Variants in SFRP1 observed in about 807,000 individuals in gnomAD.
SFRP1 encodes the protein secreted frizzled-related protein 1.
A neutral mutation model predicts 25.9 loss-of-function variants in SFRP1; 9 were observed. That is an observed-to-expected ratio of 0.35 (90% CI 0.21 to 0.61). SFRP1 has a LOEUF of 0.61. SFRP1 is among the 20% of genes least tolerant of loss of function. The pLI, the probability that SFRP1 is intolerant of heterozygous loss-of-function variation, is 0.78. For synonymous variants in SFRP1, 178 were observed against 174.0 expected, an observed-to-expected ratio of 1.02 and a Z score of -0.18; for missense variants, 346 against 418.2, an observed-to-expected ratio of 0.83 and a Z score of 1.51.
At chr8:41,287,448 C>G (rs1041591401) in intron 2 of SFRP1, among the ~76,000 whole-genome samples, 11 of 152,214 alleles carry the variant, frequency 7.2e-5, no homozygotes, top group Non-Finnish European at 1.3e-4. Flanking sequence ...GGTAAGAGCA[C>G]CAGGTCATGT....
rs185339292 is a variant in SFRP1, at chr8:41,283,505, G to A, written c.623-18016C>T. Among the ~76,000 whole-genome samples, 995 of 151,900 alleles carry A rather than the reference G, an allele frequency of 6.6e-3. 10 individuals are homozygous for A. The highest frequency in any genetic ancestry group is 0.022 in the African/African-American group (913 of 41,418). The stretch of plus-strand genomic sequence containing the variant: ...ATCAGAAGATCAGGCCAAAGTCAGC[G>A]GCTGAACTTGTAAAAATCATTCAGA... On this transcript the variant is annotated intron_variant, in intron 2 of 2. Coordinates refer to ENST00000220772, the MANE Select transcript of SFRP1 (RefSeq NM_003012.5).
intron 2 of SFRP1, among the ~76,000 whole-genome samples, chr8:41,289,805 T>C (rs1176450115): frequency 6.6e-6 from 1 of 152,164 alleles, no homozygotes; most frequent in African/African-American, 2.4e-5. Flanking sequence ...TGGCACTCAG[T>C]TTGTATAATG....
rs941672160 is a variant in SFRP1, at chr8:41,262,060, C to T, written c.*3107G>A. The T allele has an allele frequency of 5.3e-5, 8 of 152,206 alleles. No homozygotes were observed. The highest frequency in any genetic ancestry group is 3.2e-3 in the Middle Eastern group (1 of 316). 9.4% of individuals were successfully genotyped at this position (152,206 alleles called of 1,614,324 possible). ...GTACGGGAATTACTATTAACATAAGCGATAACATCAAAACATCTGGTAAAA... is the reference window on the plus strand; with the variant it reads ...GTACGGGAATTACTATTAACATAAGTGATAACATCAAAACATCTGGTAAAA... On this transcript the variant is annotated 3_prime_UTR_variant, in exon 3 of 3. Transcript: ENST00000220772.
intron 2 of SFRP1, among the ~76,000 whole-genome samples, chr8:41,290,884 G>GACTT: frequency 3.6e-5 from 1 of 27,500 alleles, no homozygotes; most frequent in South Asian, 2.0e-3. Context: ...CCTCTTCCTC[G>GACTT]TCTTTTTTTT....
At chr8:41,269,165 A>G (rs1428630298) in intron 2 of SFRP1, among the ~76,000 whole-genome samples, 1 of 152,210 alleles carries the variant, frequency 6.6e-6, no homozygotes, top group Non-Finnish European at 1.5e-5. Flanking sequence ...CTGTGCCTGG[A>G]GCATAGGGCT....
At chr8:41,308,589 C>T in intron 1 of SFRP1, 27 bp downstream of exon 1, 1 of 1,530,454 alleles carries the variant, frequency 6.5e-7, no homozygotes, top group Non-Finnish European at 8.9e-7. Context: ...GGGGGCGGCT[C>T]GCGCACGTGG....
In SFRP1 at chr8:41,265,113, C is replaced by CCCCCCCCCCCCCCCCCCCCCCCCCCA; in HGVS notation, c.*53_*54insTGGGGGGGGGGGGGGGGGGGGGGGGG. ...ACCCACCGGGTTCCCGGGGCACTGT[C>CCCCCCCCCCCCCCCCCCCCCCCCCCA]CCCCCCGCTCCCACCCCACCCGAGG... is the stretch of plus-strand genomic sequence containing the variant. On this transcript the variant is annotated 3_prime_UTR_variant, in exon 3 of 3. Transcript: ENST00000220772. 2.3e-6 allele frequency: 1 copy of CCCCCCCCCCCCCCCCCCCCCCCCCCA among 432,452 alleles called. No homozygotes were observed. Among genetic ancestry groups the CCCCCCCCCCCCCCCCCCCCCCCCCCA allele is most frequent in the Non-Finnish European group, 4.4e-6 (1 of 226,452 alleles). The allele number at this position is 432,452 out of a possible 1,614,324, so 26.8% of individuals were successfully genotyped here. A position where few individuals can be genotyped will look rare whatever the true frequency, so the allele number is the denominator to read the frequency against.
chr8:41,265,576 A>T, intron 2 of SFRP1, 87 bp from the exon 3 acceptor site: 1 of 854,330 alleles, frequency 1.2e-6, no homozygotes. Context: ...CCTCAAAGTG[A>T]TTGCATTTTA....
At chr8:41,303,264 T>C (rs1212025672) in intron 2 of SFRP1, among the ~76,000 whole-genome samples, 197 bp downstream of exon 2, 3 of 151,752 alleles carry the variant, frequency 2.0e-5, no homozygotes, top group East Asian at 1.9e-4. Flanking sequence ...GAGGGCAAAG[T>C]ATGGCCTTCA....
At chr8:41,290,321 C>T (rs1403232403) in intron 2 of SFRP1, among the ~76,000 whole-genome samples, 1 of 152,266 alleles carries the variant, frequency 6.6e-6, no homozygotes, top group Non-Finnish European at 1.5e-5. Flanking sequence ...CTGCCTCCCT[C>T]TTTCAGGGAA....
chr8:41,300,520 C>T (rs1308641506), intron 2 of SFRP1, among the ~76,000 whole-genome samples: 2 of 152,256 alleles, frequency 1.3e-5, no homozygotes, highest in Non-Finnish European at 2.9e-5. Flanking sequence ...GGAAAGCTTA[C>T]GGGTGTTTAC....
intron 2 of SFRP1, among the ~76,000 whole-genome samples, chr8:41,273,962 C>A (rs1181930563): frequency 6.6e-6 from 1 of 152,168 alleles, no homozygotes; most frequent in African/African-American, 2.4e-5. Context: ...TTTCTGCTCT[C>A]CCTCCCTTCC....
Position 41,276,174 on chromosome 8 carries a change from C to A in SFRP1, c.623-10685G>T, listed in dbSNP as rs111521245. 6.3e-3 allele frequency among the ~76,000 whole-genome samples: 954 copies of A among 152,316 alleles called. 6 individuals carry two copies. The highest frequency in any genetic ancestry group is 0.021 in the African/African-American group (889 of 41,560). On this transcript the variant is annotated intron_variant, in intron 2 of 2. Coordinates refer to ENST00000220772, the MANE Select transcript of SFRP1 (RefSeq NM_003012.5). ...CCACAGAGCCTCCAGGTGGAAAAGT[C>A]TGCTCAGATACCAAAGCCTCACTAA...
At chr8:41,300,178 C>T (rs1585520561) in intron 2 of SFRP1, among the ~76,000 whole-genome samples, 2 of 152,278 alleles carry the variant, frequency 1.3e-5, no homozygotes, top group Non-Finnish European at 2.9e-5. Context: ...AGTGGAGGTA[C>T]GGAGGTGCGG....
intron 2 of SFRP1, among the ~76,000 whole-genome samples, chr8:41,287,984 T>C (rs1210445654): frequency 1.3e-5 from 2 of 152,024 alleles, no homozygotes; most frequent in Non-Finnish European, 1.5e-5. Flanking sequence ...CTCATGCCTA[T>C]AGGCAGGAGG....
intron 2 of SFRP1, among the ~76,000 whole-genome samples, chr8:41,295,370 GA>G (rs370226298): frequency 2.7e-5 from 4 of 149,590 alleles, no homozygotes; most frequent in East Asian, 3.9e-4. Flanking sequence ...CAAAAAAAAA[GA>G]AAAAAAAATT....
intron 1 of SFRP1, 56 bp downstream of exon 1, chr8:41,308,560 G>A (rs1037194626): frequency 2.8e-5 from 39 of 1,415,094 alleles, no homozygotes; most frequent in Non-Finnish European, 7.7e-6. Context: ...TTCTCCTGCA[G>A]CTCCGGCCGG....
At chr8:41,270,542 G>A (rs367551695) in intron 2 of SFRP1, among the ~76,000 whole-genome samples, 12 of 152,084 alleles carry the variant, frequency 7.9e-5, no homozygotes, top group South Asian at 4.2e-4. Context: ...TGGGGCCCCC[G>A]GACACTCCTG....
At chr8:41,271,925 C>T (rs1354220636) in intron 2 of SFRP1, among the ~76,000 whole-genome samples, 1 of 151,922 alleles carries the variant, frequency 6.6e-6, no homozygotes, top group Non-Finnish European at 1.5e-5. Flanking sequence ...TGACTGCACC[C>T]CTGCGCTCCA....
Sources: gnomAD v4.1 joint callset for allele counts (sites outside exome capture counted in the v4.1 genomes callset) on GRCh38, gnomAD v4.1.1 for gene constraint, MANE v1.5 for transcripts, NCBI Gene and HGNC (gene_info 2026-07-23, HGNC 2026-07-21) for gene names.